Variants in HIRA observed in about 807,000 individuals in gnomAD.
The protein encoded by HIRA is protein HIRA.
HIRA carries 13 observed loss-of-function variants against 126.6 expected under a neutral mutation model. That is an observed-to-expected ratio of 0.10 (90% CI 0.07 to 0.16). HIRA has a LOEUF of 0.16. Ranked by LOEUF, HIRA falls within the 10% of genes least tolerant of loss-of-function variation. The pLI, the probability that HIRA is intolerant of heterozygous loss-of-function variation, is 1.00. For synonymous variants in HIRA, 511 were observed against 520.0 expected, an observed-to-expected ratio of 0.98 and a Z score of 0.24; for missense variants, 834 against 1,314.4, an observed-to-expected ratio of 0.63 and a Z score of 5.65.
Position 19,398,006 on chromosome 22 carries a change from G to C in HIRA, c.479C>G (p.Ala160Gly). The change falls in exon 6 of 25, where the codon GCT becomes GGT. Residue 160 changes from alanine to glycine, a missense_variant. Physicochemically the swap from Ala to Gly is moderately conservative, Grantham distance 60. Around this residue, in one of 5 missense-constraint regions of HIRA, gnomAD observed 53 missense variants for 163.7 expected, o/e 0.32. Transcript: ENST00000263208. Reference sequence around the variant, plus strand: ...AGGCCCCAGACCTGGGAACTTTACAGCATTCCAGATGACGACAGTGTTATC... The same window carrying C: ...AGGCCCCAGACCTGGGAACTTTACACCATTCCAGATGACGACAGTGTTATC... ...SVDNTVVIWN[A>G]VKFPEILATL... is the part of the protein sequence containing the mutation. 6.2e-7 allele frequency: 1 copy of C among 1,613,838 alleles called. No individual in the cohort carries two copies. Among genetic ancestry groups the C allele is most frequent in the East Asian group, 2.2e-5 (1 of 44,856 alleles).
chr22:19,362,234 GA>G (rs1259069848), intron 15 of HIRA, among the ~76,000 whole-genome samples: 2 of 151,732 alleles, frequency 1.3e-5, no homozygotes, highest in African/African-American at 4.8e-5. Flanking sequence ...TGATGTTAGA[GA>G]AAAAAAACAA....
At chr22:19,342,820 G>C (rs2088646073) in intron 24 of HIRA, among the ~76,000 whole-genome samples, 1 of 152,168 alleles carries the variant, frequency 6.6e-6, no homozygotes, top group African/African-American at 2.4e-5. Flanking sequence ...AGCACCATTT[G>C]CAACTGCAAA....
rs139294836 is a variant in HIRA, at chr22:19,357,569, T to A, written c.2235-518A>T. Among the ~76,000 whole-genome samples the A allele has an allele frequency of 6.6e-3, 998 of 152,296 alleles. 13 individuals carry two copies. Among genetic ancestry groups the A allele is most frequent in the African/African-American group, 0.022 (935 of 41,558 alleles). On this transcript the variant is annotated intron_variant, in intron 18 of 24. Coordinates refer to ENST00000263208, the MANE Select transcript of HIRA (RefSeq NM_003325.4). ...AAACAAGGAGTGCGTTACAGAACAG[T>A]CTGGACACTGTCCAGCTTCTCCCGA...
At chr22:19,405,905 G>A (rs1424030467) in intron 4 of HIRA, 25 bp from the exon 5 acceptor site, 2 of 1,436,524 alleles carry the variant, frequency 1.4e-6, no homozygotes, top group Non-Finnish European at 1.9e-6. Context: ...GGCCAAAAAG[G>A]CACTCATGGA....
Position 19,392,113 on chromosome 22 carries a change from C to G in HIRA, c.924G>C (p.Ser308=). ...ATAGCAGGCTCACCCAGACAGAAAG[C>G]GAGCGGTCCTTGCTGCCAACAGCAC... ...CCCAVGSKDR[S]LSVWLTCLKR... The change falls in exon 9 of 25, where the codon TCG becomes TCC. Residue 308 remains serine, a synonymous_variant. Coordinates refer to ENST00000263208, the MANE Select transcript of HIRA (RefSeq NM_003325.4). 1.3e-6 allele frequency: 2 copies of G among 1,582,644 alleles called. No individual in the cohort carries two copies. Among genetic ancestry groups the G allele is most frequent in the South Asian group, 1.1e-5 (1 of 89,590 alleles).
At chr22:19,407,068 C>A in intron 4 of HIRA, 116 bp downstream of exon 4, 1 of 809,020 alleles carries the variant, frequency 1.2e-6, no homozygotes, top group South Asian at 1.5e-5. Context: ...CTTTCCACTA[C>A]TTATGAGGTC....
At chr22:19,405,317 T>C (rs1205557533) in intron 5 of HIRA, 3 of 198,954 alleles carry the variant, frequency 1.5e-5, no homozygotes, top group Non-Finnish European at 2.7e-5. Context: ...ATGGGCAACC[T>C]TCCCCCTCAG....
chr22:19,391,592 C>T (rs974426106), intron 9 of HIRA, among the ~76,000 whole-genome samples: 2 of 151,830 alleles, frequency 1.3e-5, no homozygotes, highest in South Asian at 2.1e-4. Flanking sequence ...CGCCATTCTC[C>T]GTCTCAGCCT....
intron 15 of HIRA, among the ~76,000 whole-genome samples, chr22:19,371,143 A>G (rs2088961106): frequency 6.6e-6 from 1 of 152,090 alleles, no homozygotes; most frequent in Non-Finnish European, 1.5e-5. Context: ...CATTTTATTT[A>G]TTTTGTTCAG....
rs189955285 is a variant in HIRA at position 19,409,527 on chromosome 22, C to T, written c.101-934G>A. Among the ~76,000 whole-genome samples, 5 of 152,260 alleles carry T rather than the reference C, an allele frequency of 3.3e-5. No homozygotes were observed. In the East Asian group the frequency reaches 9.7e-4, roughly 29 times the overall value. ...CGAACTCCTGACCTCAGATGATTCGCCTGCCTTGGCCTCCCAAAGTGCTGA... is the reference window on the plus strand; with the variant it reads ...CGAACTCCTGACCTCAGATGATTCGTCTGCCTTGGCCTCCCAAAGTGCTGA... On this transcript the variant is annotated intron_variant, in intron 2 of 24. Transcript: ENST00000263208.
chr22:19,356,396 G>T, intron 19 of HIRA, 108 bp from the exon 20 acceptor site: 1 of 893,334 alleles, frequency 1.1e-6, no homozygotes. Context: ...CCTAACCCTG[G>T]CCTCTCCTAG....
intron 15 of HIRA, among the ~76,000 whole-genome samples, chr22:19,371,791 A>T (rs5748160): frequency 0.04 from 6,086 of 152,270 alleles, 264 homozygotes; most frequent in East Asian, 0.13. Flanking sequence ...TTATTGTAGC[A>T]CATGTAAGCA....
intron 1 of HIRA, among the ~76,000 whole-genome samples, chr22:19,413,163 T>G (rs2146247088): frequency 6.6e-6 from 1 of 152,126 alleles, no homozygotes; most frequent in East Asian, 1.9e-4. Context: ...CAAGCATCAG[T>G]AAGGAGCTGA....
intron 15 of HIRA, among the ~76,000 whole-genome samples, chr22:19,373,245 C>G (rs2088984577): frequency 6.6e-6 from 1 of 151,892 alleles, no homozygotes; most frequent in African/African-American, 2.4e-5. Flanking sequence ...AGCTTTTGTT[C>G]CAATTTTGTT....
intron 22 of HIRA, 84 bp downstream of exon 22, chr22:19,353,891 AGGGCAGGTGGAGACCAGGCCT>A: frequency 7.3e-7 from 1 of 1,375,544 alleles, no homozygotes. Flanking sequence ...GCACAGGGGA[AGGGCAGGTGGAGACCAGGCCT>A]GGGCAGGGAC....
intron 16 of HIRA, 121 bp from the exon 17 acceptor site, chr22:19,361,462 A>G (rs1268434050): frequency 1.7e-5 from 14 of 837,322 alleles, no homozygotes; most frequent in Non-Finnish European, 2.7e-5. Flanking sequence ...CCTGGGAGGG[A>G]GGAAGCAGAG....
chr22:19,423,619 C>G (rs565761971), intron 1 of HIRA, among the ~76,000 whole-genome samples: 1 of 152,172 alleles, frequency 6.6e-6, no homozygotes, highest in Admixed American at 6.5e-5. Flanking sequence ...GAGTCTGCTC[C>G]AACGTAGGTC....
Position 19,392,086 on chromosome 22 carries a change from G to C in HIRA, c.936+15C>G. On this transcript the variant is annotated intron_variant, in intron 9 of 24. Transcript: ENST00000263208. ...CCTCCCGTCCTGCAACAAAAGCTCA[G>C]GATAGCAGGCTCACCCAGACAGAAA... is the stretch of plus-strand genomic sequence containing the variant. 1 of 1,521,638 alleles carries C rather than the reference G, an allele frequency of 6.6e-7. No homozygotes were observed. Among genetic ancestry groups the C allele is most frequent in the African/African-American group, 1.4e-5 (1 of 72,904 alleles). The allele number at this position is 1,521,638 out of a possible 1,614,324, so 94.3% of individuals were successfully genotyped here.
At chr22:19,348,630 G>C (rs2088716313) in intron 24 of HIRA, among the ~76,000 whole-genome samples, 1 of 151,798 alleles carries the variant, frequency 6.6e-6, no homozygotes, top group African/African-American at 2.4e-5. Context: ...CAAGTAGCTG[G>C]GATTACAGGT....
Sources: allele counts gnomAD v4.1 joint callset (sites outside exome capture counted in the v4.1 genomes callset), GRCh38; gene constraint gnomAD v4.1.1; regional missense constraint gnomAD v4.1.1; transcripts MANE v1.5; gene names NCBI Gene and HGNC (gene_info 2026-07-23, HGNC 2026-07-21).